Variants in CBL observed in about 807,000 individuals in gnomAD.
CBL encodes the protein Cbl proto-oncogene, also known as E3 ubiquitin-protein ligase CBL.
A neutral mutation model predicts 96.9 loss-of-function variants in CBL; 45 were observed. The observed-to-expected ratio is 0.46, with a 90% CI of 0.37 to 0.60. The LOEUF is 0.60. CBL is among the 20% of genes least tolerant of loss of function. The pLI is 0.00. For missense variants in CBL, 1,024 were observed against 1,143.5 expected, an observed-to-expected ratio of 0.90 and a Z score of 1.51; for synonymous variants, 420 against 426.8, an observed-to-expected ratio of 0.98 and a Z score of 0.20.
chr11:119,290,789 A>T (rs1454709812), intron 12 of CBL, among the ~76,000 whole-genome samples: 2 of 150,712 alleles, frequency 1.3e-5, no homozygotes, highest in Non-Finnish European at 3.0e-5. Flanking sequence ...GAATCTCCTG[A>T]CTCAGCCTCC....
chr11:119,298,662 A>T (rs1950080134), intron 15 of CBL, 122 bp downstream of exon 15: 2 of 872,502 alleles, frequency 2.3e-6, no homozygotes, highest in Non-Finnish European at 3.8e-6. Context: ...CATTATGTCT[A>T]AATGGGAGGA....
Position 119,232,682 on chromosome 11 carries a change from A to C in CBL, c.430A>C (p.Asn144His). 1 of 1,613,512 alleles carries C rather than the reference A, an allele frequency of 6.2e-7. No homozygotes were observed. Among genetic ancestry groups the C allele is most frequent in the Non-Finnish European group, 8.5e-7 (1 of 1,179,866 alleles). Residue 144 changes from asparagine to histidine, a missense_variant, in exon 2 of 16, where the codon AAT becomes CAT. Transcript: ENST00000264033. ...KEGKERMYEE[N>H]SQPRRNLTKL... ...GGGAAAAGAAAGAATGTATGAGGAG[A>C]ATTCTCAGCCTAGGTAATGGAGAAA...
chr11:119,228,655 G>C (rs945408432), intron 1 of CBL, among the ~76,000 whole-genome samples: 1 of 151,848 alleles, frequency 6.6e-6, no homozygotes, highest in Non-Finnish European at 1.5e-5. Flanking sequence ...TGTGGCCCAG[G>C]CTGGAGTGCA....
chr11:119,285,526 T>G lies in CBL; in HGVS notation c.1901T>G (p.Val634Gly). Reference sequence around the variant, plus strand: ...TCACAAATGGAGCCCAGACCAGATGTGCCTAGGCTCGGAAGCACGTTCAGT... The same window carrying G: ...TCACAAATGGAGCCCAGACCAGATGGGCCTAGGCTCGGAAGCACGTTCAGT... ...LPSQMEPRPD[V>G]PRLGSTFSLD... The change falls in exon 11 of 16, where the codon GTG (valine) becomes GGG (glycine). Residue 634 changes from valine to glycine, a missense_variant. By Grantham distance (109) the Val-to-Gly change is moderately radical. Coordinates refer to ENST00000264033, the MANE Select transcript of CBL (RefSeq NM_005188.4). The G allele has an allele frequency of 6.2e-7, 1 of 1,614,156 alleles. No homozygotes were observed. The highest frequency in any genetic ancestry group is 8.5e-7 in the Non-Finnish European group (1 of 1,180,020).
At chr11:119,231,944 A>C (rs185359946) in intron 1 of CBL, among the ~76,000 whole-genome samples, 49 of 150,736 alleles carry the variant, frequency 3.3e-4, no homozygotes, top group Middle Eastern at 3.4e-3. Context: ...AAAAAAAAAA[A>C]AACAACAATT....
At chr11:119,226,135 C>T (rs1357860111) in intron 1 of CBL, among the ~76,000 whole-genome samples, 1 of 152,192 alleles carries the variant, frequency 6.6e-6, no homozygotes, top group African/African-American at 2.4e-5. Context: ...GTGTTACCTG[C>T]TGCTGCCTTT....
At chr11:119,211,980 C>G (rs1018338259) in intron 1 of CBL, among the ~76,000 whole-genome samples, 7 of 152,076 alleles carry the variant, frequency 4.6e-5, no homozygotes, top group Non-Finnish European at 1.0e-4. Flanking sequence ...AGTGCAATGG[C>G]ATGATCTCGG....
chr11:119,248,669 C>T (rs1214161158), intron 2 of CBL, among the ~76,000 whole-genome samples: 5 of 152,198 alleles, frequency 3.3e-5, no homozygotes, highest in South Asian at 2.1e-4. Flanking sequence ...GAACTTTGTT[C>T]ATCAAAGGAC....
At chr11:119,256,461 G>A (rs1030949932) in intron 2 of CBL, among the ~76,000 whole-genome samples, 5 of 152,142 alleles carry the variant, frequency 3.3e-5, no homozygotes, top group Admixed American at 6.5e-5. Flanking sequence ...GATTATAGGT[G>A]TGAGCCACCA....
intron 5 of CBL, 77 bp downstream of exon 5, chr11:119,275,030 T>C: frequency 6.6e-7 from 1 of 1,521,848 alleles, no homozygotes; most frequent in Non-Finnish European, 9.1e-7. Flanking sequence ...AGAAGAAACA[T>C]GACCTTAATT....
intron 9 of CBL, among the ~76,000 whole-genome samples, chr11:119,281,268 C>A (rs1232062887): frequency 6.6e-6 from 1 of 152,024 alleles, no homozygotes; most frequent in Non-Finnish European, 1.5e-5. Context: ...TTTTTTGCTT[C>A]TTTGTTTATG....
intron 2 of CBL, among the ~76,000 whole-genome samples, chr11:119,257,766 G>GGCT (rs1170568494): frequency 6.6e-6 from 1 of 152,052 alleles, no homozygotes; most frequent in Admixed American, 6.5e-5. Flanking sequence ...TTCTACATGT[G>GGCT]GCTATGCAGT....
intron 1 of CBL, among the ~76,000 whole-genome samples, chr11:119,211,716 C>T (rs756718892): frequency 6.6e-5 from 10 of 151,940 alleles, no homozygotes; most frequent in African/African-American, 1.5e-4. Context: ...GTTGGCTAGG[C>T]TGGTCTCGAA....
chr11:119,283,136 T>C (rs1413539924), intron 9 of CBL, among the ~76,000 whole-genome samples: 7 of 152,114 alleles, frequency 4.6e-5, no homozygotes, highest in Admixed American at 3.9e-4. Flanking sequence ...TAGAATGAAA[T>C]GAAATATACA....
intron 1 of CBL, among the ~76,000 whole-genome samples, chr11:119,217,152 T>C (rs573855883): frequency 6.6e-6 from 1 of 152,310 alleles, no homozygotes; most frequent in African/African-American, 2.4e-5. Flanking sequence ...AGTTTCACTC[T>C]TGTTGCCCAG....
In CBL at chr11:119,306,236, T is replaced by C. The variant is rs1950139810; in HGVS notation, c.*6455T>C. 1 of 398,492 alleles carries C rather than the reference T, an allele frequency of 2.5e-6. No individual in the cohort carries two copies. Among genetic ancestry groups the C allele is most frequent in the South Asian group, 1.3e-4 (1 of 7,858 alleles). The allele number at this position is 398,492 out of a possible 1,614,324, so 24.7% of individuals were successfully genotyped here. A position where few individuals can be genotyped will look rare whatever the true frequency, so the allele number is the denominator to read the frequency against. On this transcript the variant is annotated 3_prime_UTR_variant, in exon 16 of 16. Transcript: ENST00000264033. ...GTGTGGTGCTCTTGCCGCCCCTTCC[T>C]GGGTACAGAGCTTGAGAAAAATGCA...
rs1032375634 is a variant in CBL, at chr11:119,306,049, G to T, written c.*6268G>T. On this transcript the variant is annotated 3_prime_UTR_variant, in exon 16 of 16. Transcript: ENST00000264033. Reference sequence around the variant, plus strand: ...CCTTCACTGTGTCCCAGGAAATCTGGGTTGGTTCCAGTGGGAAATACCAGT... The same window carrying T: ...CCTTCACTGTGTCCCAGGAAATCTGTGTTGGTTCCAGTGGGAAATACCAGT... The T allele has an allele frequency of 8.0e-6, 3 of 374,144 alleles. No individual in the cohort carries two copies. The highest frequency in any genetic ancestry group is 1.5e-4 in the South Asian group (1 of 6,808). 23.2% of individuals were successfully genotyped at this position (374,144 alleles called of 1,614,324 possible).
intron 2 of CBL, among the ~76,000 whole-genome samples, chr11:119,270,436 A>ATTTTT (rs869150071): frequency 0.012 from 456 of 38,652 alleles, 70 homozygotes; most frequent in Non-Finnish European, 0.016. Flanking sequence ...ATATATATAT[A>ATTTTT]TTTTTTTTTT....
At chr11:119,211,046 A>G (rs1249185789) in intron 1 of CBL, among the ~76,000 whole-genome samples, 1 of 152,216 alleles carries the variant, frequency 6.6e-6, no homozygotes. Context: ...AATACACTGT[A>G]GTAAAAGTTA....
Sources: allele counts gnomAD v4.1 joint callset (sites outside exome capture counted in the v4.1 genomes callset), GRCh38; gene constraint gnomAD v4.1.1; transcripts MANE v1.5; gene names NCBI Gene and HGNC (gene_info 2026-07-23, HGNC 2026-07-21).